The following ADAMTS12 variants were observed in gnomAD, a reference collection of about 807,000 sequenced individuals.
ADAMTS12 encodes A disintegrin and metalloproteinase with thrombospondin motifs 12.
In ADAMTS12, 118 loss-of-function variants were observed where a neutral mutation model predicts 167.8. The observed-to-expected ratio is 0.70, with a 90% CI of 0.61 to 0.82. The LOEUF is 0.82. ADAMTS12 is among the 40% of genes least tolerant of loss of function. The pLI, the probability that ADAMTS12 is intolerant of heterozygous loss-of-function variation, is 0.00. For missense variants in ADAMTS12, 1,916 were observed against 1,998.8 expected (o/e 0.96, Z 0.79); for synonymous variants, 704 against 716.9 (o/e 0.98, Z 0.29).
intron 23 of ADAMTS12, among the ~76,000 whole-genome samples, chr5:33,529,878 C>T (rs190230046): frequency 1.8e-3 from 277 of 152,256 alleles, no homozygotes; most frequent in Non-Finnish European, 2.7e-3. Flanking sequence ...CTCTTAAAAC[C>T]CCACAGGAAA....
intron 3 of ADAMTS12, among the ~76,000 whole-genome samples, chr5:33,728,887 C>T (rs1744076915): frequency 6.6e-6 from 1 of 152,302 alleles, no homozygotes. Context: ...TAGCATGTAT[C>T]ATATGCATAT....
At chr5:33,859,871 G>T (rs559024513) in intron 2 of ADAMTS12, among the ~76,000 whole-genome samples, 5 of 152,108 alleles carry the variant, frequency 3.3e-5, no homozygotes, top group Admixed American at 2.0e-4. Flanking sequence ...GGCAAACAAG[G>T]TCTGGAGTGG....
At chr5:33,858,583 A>T (rs1002597369) in intron 2 of ADAMTS12, among the ~76,000 whole-genome samples, 4 of 151,230 alleles carry the variant, frequency 2.6e-5, no homozygotes. Flanking sequence ...GCTTGATCCC[A>T]GGAGGTTTAG....
chr5:33,687,769 A>T (rs910086899), intron 3 of ADAMTS12, among the ~76,000 whole-genome samples: 2 of 152,188 alleles, frequency 1.3e-5, no homozygotes, highest in African/African-American at 4.8e-5. Flanking sequence ...GAAATCTCAG[A>T]TTTGATGGAA....
intron 16 of ADAMTS12, among the ~76,000 whole-genome samples, chr5:33,606,747 C>T (rs1408503395): frequency 1.3e-5 from 2 of 152,118 alleles, no homozygotes; most frequent in Non-Finnish European, 2.9e-5. Context: ...AAAAATAACC[C>T]AACTCATTTA....
chr5:33,560,455 A>G (rs946746885), intron 20 of ADAMTS12, among the ~76,000 whole-genome samples: 9 of 152,318 alleles, frequency 5.9e-5, no homozygotes, highest in African/African-American at 1.9e-4. Flanking sequence ...TCATGCTGCT[A>G]TAAAGACACA....
chr5:33,598,872 G>A (rs1027383896), intron 16 of ADAMTS12, among the ~76,000 whole-genome samples: 1 of 152,198 alleles, frequency 6.6e-6, no homozygotes, highest in Non-Finnish European at 1.5e-5. Flanking sequence ...AAATGCAGAA[G>A]TGATGCTGTG....
chr5:33,647,559 C>G (rs139894004), intron 9 of ADAMTS12, among the ~76,000 whole-genome samples: 6 of 152,108 alleles, frequency 3.9e-5, no homozygotes, highest in Admixed American at 3.3e-4. Flanking sequence ...GGTGAAACAC[C>G]ATCTCTACTG....
chr5:33,573,939 T>C (rs1008941706), intron 19 of ADAMTS12, among the ~76,000 whole-genome samples: 2 of 152,182 alleles, frequency 1.3e-5, no homozygotes, highest in African/African-American at 2.4e-5. Context: ...GGGCAAAGGA[T>C]ATGAGCAGAT....
chr5:33,541,894 G>T (rs1235091922), intron 22 of ADAMTS12, among the ~76,000 whole-genome samples: 2 of 151,934 alleles, frequency 1.3e-5, no homozygotes, highest in Non-Finnish European at 2.9e-5. Flanking sequence ...ATGCCAAATT[G>T]TAAAGACCAT....
intron 2 of ADAMTS12, among the ~76,000 whole-genome samples, chr5:33,816,087 A>G (rs1747641277): frequency 6.6e-6 from 1 of 152,162 alleles, no homozygotes; most frequent in Non-Finnish European, 1.5e-5. Context: ...GGCCTCCCTC[A>G]GTTTCAGTAT....
chr5:33,746,088 A>G (rs1744773571), intron 3 of ADAMTS12, among the ~76,000 whole-genome samples: 1 of 152,246 alleles, frequency 6.6e-6, no homozygotes, highest in African/African-American at 2.4e-5. Flanking sequence ...TCGCTATCTC[A>G]TAGCAAAGCA....
rs746161014 is a variant in ADAMTS12, at chr5:33,698,445, T to G, written c.635-14390A>C. ...GGTTCCCAGAATAAAAATATAAAAATTGAAGAATGCCAATCAGATAAGCTG... is the reference window on the plus strand; with the variant it reads ...GGTTCCCAGAATAAAAATATAAAAAGTGAAGAATGCCAATCAGATAAGCTG... On this transcript the variant is annotated intron_variant, in intron 3 of 23. Coordinates refer to ENST00000504830, the MANE Select transcript of ADAMTS12 (RefSeq NM_030955.4). Among the ~76,000 whole-genome samples the G allele has an allele frequency of 3.2e-4, 49 of 152,120 alleles. 1 individual carries two copies. Among genetic ancestry groups the G allele is most frequent in the Non-Finnish European group, 7.4e-5 (5 of 68,008 alleles).
chr5:33,708,637 T>C (rs2112312114), intron 3 of ADAMTS12, among the ~76,000 whole-genome samples: 1 of 152,302 alleles, frequency 6.6e-6, no homozygotes, highest in South Asian at 2.1e-4. Context: ...TGAGTTCATG[T>C]CCTTTGCAGG....
In ADAMTS12 at chr5:33,670,833, C is replaced by T. The variant is rs75916742; in HGVS notation, c.916-8793G>A. Among the ~76,000 whole-genome samples, 616 of 152,194 alleles carry T rather than the reference C, an allele frequency of 4.0e-3. 5 individuals are homozygous for T. The highest frequency in any genetic ancestry group is 0.014 in the African/African-American group (577 of 41,508). On this transcript the variant is annotated intron_variant, in intron 5 of 23. Transcript: ENST00000504830. ...TTCCTGTGCCTTTATTCCAGAGAAACGAGGACTTATGTTCACACAAAAACC... is the reference window on the plus strand; with the variant it reads ...TTCCTGTGCCTTTATTCCAGAGAAATGAGGACTTATGTTCACACAAAAACC...
chr5:33,646,474 G>A (rs2112184349), intron 9 of ADAMTS12, among the ~76,000 whole-genome samples: 1 of 152,280 alleles, frequency 6.6e-6, no homozygotes, highest in East Asian at 1.9e-4. Context: ...CAGAAAACTT[G>A]TCTCATTTGA....
intron 2 of ADAMTS12, among the ~76,000 whole-genome samples, chr5:33,849,395 T>C (rs1216115801): frequency 1.4e-5 from 2 of 146,462 alleles, no homozygotes; most frequent in African/African-American, 5.0e-5. Context: ...CAGCAATATA[T>C]ATATATGTAT....
rs61757473 is a variant in ADAMTS12, at chr5:33,549,330, G to C, written c.4179C>G (p.Asp1393Glu). 2,208 of 1,614,116 alleles carry C rather than the reference G, an allele frequency of 1.4e-3. 30 individuals carry two copies. In the African/African-American group the frequency reaches 0.026, roughly 19 times the overall value. Residue 1393 changes from aspartate (D) to glutamate (E), a missense_variant, in exon 21 of 24, where the codon GAC (aspartate) becomes GAG (glutamate). Transcript: ENST00000504830. ...GCCTCAGGTTCCGGTGGTCCCGGCT[G>C]TCCACGCACTGAATCTCGCGTATCT... is the stretch of plus-strand genomic sequence containing the variant. ...GFKIREIQCV[D>E]SRDHRNLRPF...
Position 33,805,925 on chromosome 5 carries a change from T to TA in ADAMTS12, c.490-54378dup, listed in dbSNP as rs34911453. ...GGGGAAAAAAAAGCCACCTCTCATT[T>TA]AAAAAAAAAAAAAGACTTTGTAAAG... On this transcript the variant is annotated intron_variant, in intron 2 of 23. Transcript: ENST00000504830. Among the ~76,000 whole-genome samples, 338 of 146,558 alleles carry TA rather than the reference T, an allele frequency of 2.3e-3. 2 individuals are homozygous for TA. The highest frequency in any genetic ancestry group is 6.7e-3 in the Admixed American group (99 of 14,714).
Sources: gnomAD v4.1 joint callset for allele counts (sites outside exome capture counted in the v4.1 genomes callset) on GRCh38, gnomAD v4.1.1 for gene constraint, MANE v1.5 for transcripts, NCBI Gene and HGNC (gene_info 2026-07-23, HGNC 2026-07-21) for gene names.